Variants in NFATC3 observed in about 807,000 individuals in gnomAD.
NFATC3 encodes the protein nuclear factor of activated T-cells, cytoplasmic 3.
In NFATC3, 46 loss-of-function variants were observed where a neutral mutation model predicts 98.6. That is an observed-to-expected ratio of 0.47 (90% CI 0.37 to 0.60). The LOEUF is 0.60. Among genes scored for constraint, NFATC3 ranks in the 20% least tolerant of loss-of-function variants. The pLI, the probability that NFATC3 is intolerant of heterozygous loss-of-function variation, is 0.00. For missense variants in NFATC3, 1,256 were observed against 1,295.5 expected, an observed-to-expected ratio of 0.97 and a Z score of 0.47; for synonymous variants, 512 against 472.2, an observed-to-expected ratio of 1.08 and a Z score of -1.09.
chr16:68,118,894 G>A (rs1167629587), intron 1 of NFATC3, among the ~76,000 whole-genome samples: 1 of 152,138 alleles, frequency 6.6e-6, no homozygotes, highest in African/African-American at 2.4e-5. Context: ...TTTTGAGACA[G>A]CCTCGCTCTG....
chr16:68,211,017 C>T (rs1228086800), intron 9 of NFATC3, among the ~76,000 whole-genome samples: 2 of 151,730 alleles, frequency 1.3e-5, no homozygotes, highest in Non-Finnish European at 2.9e-5. Context: ...CTCCTGACCT[C>T]GTGATCCACC....
rs1165381477 is a variant in NFATC3 at position 68,160,193 on chromosome 16, A to G, written c.1601+2125A>G. ...AGGACATAGAAACTGATATGTTTCT[A>G]TTAGGTAAAATAAGAGTTGCCTCAA... On this transcript the variant is annotated intron_variant, in intron 4 of 9. Coordinates refer to ENST00000346183, the MANE Select transcript of NFATC3 (RefSeq NM_173165.3). Among the ~76,000 whole-genome samples, 4 of 152,302 alleles carry G rather than the reference A, an allele frequency of 2.6e-5. No individual in the cohort carries two copies. The South Asian group carries it at 8.3e-4, about 32-fold the overall frequency.
At chr16:68,090,777 C>A (rs1403163219) in intron 1 of NFATC3, among the ~76,000 whole-genome samples, 1 of 152,048 alleles carries the variant, frequency 6.6e-6, no homozygotes, top group African/African-American at 2.4e-5. Flanking sequence ...TTGTACAGCC[C>A]ATTAGGAACT....
rs554412185 is a variant in NFATC3 at position 68,129,065 on chromosome 16, A to T, written c.1401+2455A>T. Among the ~76,000 whole-genome samples the T allele has an allele frequency of 2.6e-5, 4 of 152,350 alleles. No homozygotes were observed. The South Asian group carries it at 8.3e-4, about 32-fold the overall frequency. On this transcript the variant is annotated intron_variant, in intron 3 of 9. Coordinates refer to ENST00000346183, the MANE Select transcript of NFATC3 (RefSeq NM_173165.3). ...AGCTACGATTGTGCCACTGCACTCC[A>T]GCCTGGGCAACAGAGACCAACCCAG...
intron 3 of NFATC3, chr16:68,138,465 A>T (rs747928320): frequency 8.3e-5 from 103 of 1,245,762 alleles, no homozygotes; most frequent in South Asian, 1.7e-4. Flanking sequence ...GACCAAAAAA[A>T]TTTTTTAAAA....
intron 8 of NFATC3, among the ~76,000 whole-genome samples, chr16:68,186,277 G>A (rs542444537): frequency 5.9e-5 from 9 of 151,466 alleles, no homozygotes; most frequent in Non-Finnish European, 1.3e-4. Context: ...TTGGCCAGGC[G>A]CTGTAGCTCA....
At chr16:68,113,710 CCCCTACCCG>C (rs1266466580) in intron 1 of NFATC3, among the ~76,000 whole-genome samples, 2 of 152,256 alleles carry the variant, frequency 1.3e-5, no homozygotes, top group East Asian at 3.8e-4. Flanking sequence ...ACCATGACCA[CCCCTACCCG>C]TAGAGGCTCC....
chr16:68,159,485 G>A (rs1053715719), intron 4 of NFATC3, among the ~76,000 whole-genome samples: 1 of 149,866 alleles, frequency 6.7e-6, no homozygotes, highest in Non-Finnish European at 1.5e-5. Flanking sequence ...GTGCAGTGGT[G>A]CAATCTCGGC....
chr16:68,219,406 A>C (rs1011500785), intron 9 of NFATC3, among the ~76,000 whole-genome samples: 9 of 151,932 alleles, frequency 5.9e-5, no homozygotes, highest in Non-Finnish European at 1.2e-4. Flanking sequence ...AAAAATAAAA[A>C]AATAAATTAG....
At chr16:68,110,715 C>G (rs1376992291) in intron 1 of NFATC3, among the ~76,000 whole-genome samples, 1 of 151,832 alleles carries the variant, frequency 6.6e-6, no homozygotes, top group Non-Finnish European at 1.5e-5. Flanking sequence ...TTTGTTTACT[C>G]TTGGTTCTCT....
At chr16:68,112,235 G>A (rs186452523) in intron 1 of NFATC3, among the ~76,000 whole-genome samples, 198 of 143,518 alleles carry the variant, frequency 1.4e-3, no homozygotes, top group East Asian at 0.014. Flanking sequence ...CGATCTCCCC[G>A]TCTCTTTCAG....
chr16:68,117,919 T>C (rs2036373396), intron 1 of NFATC3, among the ~76,000 whole-genome samples: 1 of 152,340 alleles, frequency 6.6e-6, no homozygotes, highest in South Asian at 2.1e-4. Flanking sequence ...TCATATATAA[T>C]AGAAATCATG....
chr16:68,107,572 A>C (rs1175288138), intron 1 of NFATC3, among the ~76,000 whole-genome samples: 1 of 151,986 alleles, frequency 6.6e-6, no homozygotes, highest in Non-Finnish European at 1.5e-5. Context: ...AAAATAATAA[A>C]ATTAGCTGGG....
intron 5 of NFATC3, 40 bp downstream of exon 5, chr16:68,167,055 A>G (rs376880014): frequency 1.5e-4 from 234 of 1,572,662 alleles, no homozygotes; most frequent in Non-Finnish European, 2.0e-4. Flanking sequence ...TCTTGTGTAT[A>G]ATAGCTTATT....
chr16:68,193,991 G>C (rs1275499604), intron 9 of NFATC3, among the ~76,000 whole-genome samples: 2 of 152,244 alleles, frequency 1.3e-5, no homozygotes, highest in East Asian at 3.9e-4. Context: ...GGACATGCCA[G>C]GTCATTTGTG....
intron 5 of NFATC3, among the ~76,000 whole-genome samples, chr16:68,170,245 G>C (rs2039394579): frequency 6.6e-6 from 1 of 151,496 alleles, no homozygotes; most frequent in African/African-American, 2.4e-5. Flanking sequence ...ACAAAAATTA[G>C]ATGGGCGTGG....
At chr16:68,192,230 A>AAAAAAAATATAT (rs1555522047) in intron 9 of NFATC3, 1 of 82,600 alleles carries the variant, frequency 1.2e-5, no homozygotes, top group African/African-American at 5.7e-5. Flanking sequence ...AAAAAAAAAA[A>AAAAAAAATATAT]ATATATATAT....
At chr16:68,088,097 C>A (rs546790982) in intron 1 of NFATC3, among the ~76,000 whole-genome samples, 1 of 151,936 alleles carries the variant, frequency 6.6e-6, no homozygotes, top group African/African-American at 2.4e-5. Context: ...AAAGTGGATT[C>A]ACTGAAATGA....
intron 9 of NFATC3, among the ~76,000 whole-genome samples, chr16:68,199,513 C>G (rs28710119): frequency 1.4e-5 from 2 of 138,626 alleles, no homozygotes; most frequent in African/African-American, 5.3e-5. Context: ...CGTGAGCCAC[C>G]GCGCCCGGCC....
Sources: gnomAD v4.1 joint callset for allele counts (sites outside exome capture counted in the v4.1 genomes callset) on GRCh38, gnomAD v4.1.1 for gene constraint, MANE v1.5 for transcripts, NCBI Gene and HGNC (gene_info 2026-07-23, HGNC 2026-07-21) for gene names.